Variants in ICAM1 observed in about 807,000 individuals in gnomAD.
ICAM1 encodes the protein intercellular adhesion molecule 1.
ICAM1 carries 28 observed loss-of-function variants against 42.3 expected under a neutral mutation model. That is an observed-to-expected ratio of 0.66 (90% CI 0.49 to 0.91). The LOEUF (loss-of-function observed/expected upper bound fraction) is 0.91. Among genes scored for constraint, ICAM1 ranks in the 40% least tolerant of loss-of-function variants. The pLI is 0.00. For synonymous variants in ICAM1, 304 were observed against 305.9 expected (o/e 0.99, Z 0.07); for missense variants, 637 against 688.6 (o/e 0.93, Z 0.84).
At chr19:10,282,661 C>T (rs1379833838) in intron 2 of ICAM1, among the ~76,000 whole-genome samples, 1 of 151,796 alleles carries the variant, frequency 6.6e-6, no homozygotes, top group Non-Finnish European at 1.5e-5. Context: ...GCTAGGATTA[C>T]AGCCTGAGCC....
rs1255397267 is a variant in ICAM1, at chr19:10,271,164, C to T, written c.5C>T (p.Ala2Val). Residue 2 changes from alanine to valine, a missense_variant, in exon 1 of 7, where the codon GCT (alanine) becomes GTT (valine). Physicochemically the swap from Ala to Val is moderately conservative, Grantham distance 64. Transcript: ENST00000264832. M[A>V]PSSPRPALPA... ...AGTTGCAACCTCAGCCTCGCTATGGCTCCCAGCAGCCCCCGGCCCGCGCTG... is the reference window on the plus strand; with the variant it reads ...AGTTGCAACCTCAGCCTCGCTATGGTTCCCAGCAGCCCCCGGCCCGCGCTG... 2.5e-6 allele frequency: 4 copies of T among 1,612,968 alleles called. 1 individual carries two copies. The South Asian group carries it at 4.4e-5, about 18-fold the overall frequency.
Position 10,285,483 on chromosome 19 carries a change from G to A in ICAM1, c.*196G>A, listed in dbSNP as rs1280710898. 1.9e-5 allele frequency: 11 copies of A among 589,870 alleles called. No individual in the cohort carries two copies. The highest frequency in any genetic ancestry group is 5.6e-5 in the East Asian group (2 of 35,600). The allele number at this position is 589,870 out of a possible 1,614,324, so 36.5% of individuals were successfully genotyped here. A position where few individuals can be genotyped will look rare whatever the true frequency, so the allele number is the denominator to read the frequency against. On this transcript the variant is annotated 3_prime_UTR_variant, in exon 7 of 7. Transcript: ENST00000264832. Reference sequence around the variant, plus strand: ...CTGCACACCTAAAACACTAGGCCACGCATCTGATCTGTAGTCACATGACTA... The same window carrying A: ...CTGCACACCTAAAACACTAGGCCACACATCTGATCTGTAGTCACATGACTA...
At chr19:10,280,783 G>A (rs2040050263) in intron 2 of ICAM1, among the ~76,000 whole-genome samples, 1 of 151,558 alleles carries the variant, frequency 6.6e-6, no homozygotes, top group Non-Finnish European at 1.5e-5. Flanking sequence ...TGGTCAGGCT[G>A]GTCTCGAACT....
chr19:10,273,032 T>C (rs2145487910), intron 1 of ICAM1, among the ~76,000 whole-genome samples: 1 of 152,218 alleles, frequency 6.6e-6, no homozygotes, highest in South Asian at 2.1e-4. Flanking sequence ...TGTCTCCACC[T>C]GACTTCTTAG....
At chr19:10,272,845 T>A (rs1028213114) in intron 1 of ICAM1, among the ~76,000 whole-genome samples, 2 of 152,132 alleles carry the variant, frequency 1.3e-5, no homozygotes, top group Non-Finnish European at 2.9e-5. Flanking sequence ...CGTAAGCCCC[T>A]TCTTTCTTAC....
Position 10,286,434 on chromosome 19 carries a change from C to T in ICAM1, c.*1147C>T. On this transcript the variant is annotated 3_prime_UTR_variant, in exon 7 of 7. Coordinates refer to ENST00000264832, the MANE Select transcript of ICAM1 (RefSeq NM_000201.3). ...GGAGTGCAGTGGTGCAATCATGGTT[C>T]ACTGCAGTCTTGACCTTTTGGGCTC... is the stretch of plus-strand genomic sequence containing the variant. 1 of 152,662 alleles carries T rather than the reference C, an allele frequency of 6.6e-6. No homozygotes were observed. Among genetic ancestry groups the T allele is most frequent in the Non-Finnish European group, 1.5e-5 (1 of 68,326 alleles). The allele number at this position is 152,662 out of a possible 1,614,324, so 9.5% of individuals were successfully genotyped here. A position where few individuals can be genotyped will look rare whatever the true frequency, so the allele number is the denominator to read the frequency against.
At chr19:10,276,796 AC>A (rs909926743) in intron 2 of ICAM1, among the ~76,000 whole-genome samples, 32 of 151,126 alleles carry the variant, frequency 2.1e-4, no homozygotes, top group Admixed American at 2.6e-4. Context: ...CCATGGAGAA[AC>A]CCCGTCTCTA....
Position 10,284,823 on chromosome 19 carries a change from G to A in ICAM1, c.1221G>A (p.Trp407Ter), listed in dbSNP as rs1439224226. The A allele has an allele frequency of 6.3e-7, 1 of 1,597,092 alleles. No individual in the cohort carries two copies. Among genetic ancestry groups the A allele is most frequent in the Non-Finnish European group, 8.5e-7 (1 of 1,175,588 alleles). The change falls in exon 6 of 7, where the codon TGG (tryptophan) becomes TGA (stop). Residue 407 changes from tryptophan to a stop codon, truncating the protein, a stop_gained. Coordinates refer to ENST00000264832, the MANE Select transcript of ICAM1 (RefSeq NM_000201.3). LOFTEE classifies it high-confidence loss of function. This position sits in a 1 kb window ranked among gnomAD's most constrained non-coding sequence, Gnocchi z 5.4. ...ACGAGAGGGATTGTCCGGGAAACTG[G>A]ACGTGGCCAGAAAATTCCCAGCAGA... ...RLDERDCPGN[W>*]TWPENSQQTP...
At chr19:10,281,344 T>C (rs889889260) in intron 2 of ICAM1, among the ~76,000 whole-genome samples, 1 of 151,282 alleles carries the variant, frequency 6.6e-6, no homozygotes, top group African/African-American at 2.4e-5. Context: ...AAGCTAGCCT[T>C]GAACTCCTGG....
At position 10,271,183 on chromosome 19, in the gene ICAM1, C is replaced by T; in HGVS notation, c.24C>T (p.Pro8=). The T allele has an allele frequency of 6.2e-7, 1 of 1,613,284 alleles. No individual in the cohort carries two copies. Among genetic ancestry groups the T allele is most frequent in the Non-Finnish European group, 8.5e-7 (1 of 1,179,816 alleles). ...CTATGGCTCCCAGCAGCCCCCGGCC[C>T]GCGCTGCCCGCACTCCTGGTCCTGC... The part of the protein sequence containing the change: MAPSSPR[P]ALPALLVLLG... The change falls in exon 1 of 7, where the codon CCC becomes CCT. Residue 8 remains proline, a synonymous_variant. Coordinates refer to ENST00000264832, the MANE Select transcript of ICAM1 (RefSeq NM_000201.3).
At chr19:10,282,839 C>A (rs887387282) in intron 2 of ICAM1, among the ~76,000 whole-genome samples, 1 of 151,958 alleles carries the variant, frequency 6.6e-6, no homozygotes, top group Non-Finnish European at 1.5e-5. Context: ...ATGCTGAAAC[C>A]CCGTTTCTAC....
chr19:10,274,312 A>ATTTT (rs34542691), intron 1 of ICAM1, among the ~76,000 whole-genome samples: 3 of 134,914 alleles, frequency 2.2e-5, no homozygotes, highest in Admixed American at 7.5e-5. Context: ...TTTGCTCATA[A>ATTTT]TTTTTTTTTT....
At chr19:10,274,330 T>TGG (rs2040002140) in intron 1 of ICAM1, among the ~76,000 whole-genome samples, 1 of 151,300 alleles carries the variant, frequency 6.6e-6, no homozygotes, top group Admixed American at 6.6e-5. Context: ...TTTTTTTTTT[T>TGG]TGGAGACAGA....
chr19:10,271,535 C>A (rs927693820), intron 1 of ICAM1, among the ~76,000 whole-genome samples: 2 of 152,124 alleles, frequency 1.3e-5, no homozygotes, highest in African/African-American at 4.8e-5. Flanking sequence ...CTCAGCCTCC[C>A]GAGTAGCTGG....
intron 2 of ICAM1, among the ~76,000 whole-genome samples, chr19:10,275,498 GA>G (rs902786313): frequency 1.6e-4 from 24 of 147,770 alleles, no homozygotes; most frequent in African/African-American, 4.4e-4. Flanking sequence ...TCCATCTCAA[GA>G]AAAAAAAAAT....
intron 2 of ICAM1, chr19:10,283,250 C>T (rs2145498883): frequency 2.2e-6 from 1 of 450,488 alleles, no homozygotes; most frequent in Non-Finnish European, 3.9e-6. Context: ...TTCCACTTTT[C>T]ACTCTAAGAT....
rs569631735 is a variant in ICAM1 at position 10,276,470 on chromosome 19, G to A, written c.331+1442G>A. 2.8e-4 allele frequency among the ~76,000 whole-genome samples: 43 copies of A among 151,032 alleles called. No homozygotes were observed. The East Asian group carries it at 7.0e-3, about 25-fold the overall frequency. On this transcript the variant is annotated intron_variant, in intron 2 of 6. Transcript: ENST00000264832. ...TGAGGCAGGAGAATGGCATGAACCC[G>A]GGAGGCAGAGCTTGCAGTGAGCCAA...
At chr19:10,274,135 C>T (rs996785692) in intron 1 of ICAM1, among the ~76,000 whole-genome samples, 2 of 152,066 alleles carry the variant, frequency 1.3e-5, no homozygotes, top group Admixed American at 6.6e-5. Context: ...TGCCCCGGGA[C>T]ATCTGTACTT....
At chr19:10,277,632 C>T (rs552080011) in intron 2 of ICAM1, among the ~76,000 whole-genome samples, 81 of 152,110 alleles carry the variant, frequency 5.3e-4, no homozygotes, top group Middle Eastern at 3.4e-3. Flanking sequence ...GAATTACAGG[C>T]GCCCAGCACC....
Sources: allele counts gnomAD v4.1 joint callset (sites outside exome capture counted in the v4.1 genomes callset), GRCh38; gene constraint gnomAD v4.1.1; non-coding constraint Gnocchi (gnomAD v3.1); transcripts MANE v1.5; gene names NCBI Gene and HGNC (gene_info 2026-07-23, HGNC 2026-07-21).